LMBRD1: variants seen among roughly 807,000 people sequenced by gnomAD.
LMBRD1 encodes the protein lysosomal cobalamin transport escort protein LMBD1.
LMBRD1 carries 64 observed loss-of-function variants against 74.8 expected under a neutral mutation model. The observed-to-expected ratio is 0.86, with a 90% CI of 0.70 to 1.05. The LOEUF (loss-of-function observed/expected upper bound fraction) is 1.05. LMBRD1 is among the 50% of genes least tolerant of loss of function. The pLI is 0.00. For synonymous variants in LMBRD1, 204 were observed against 216.3 expected (o/e 0.94, Z 0.50); for missense variants, 652 against 645.9 (o/e 1.01, Z -0.10).
intron 3 of LMBRD1, among the ~76,000 whole-genome samples, chr6:69,769,578 T>C (rs1021513884): frequency 2.0e-5 from 3 of 152,128 alleles, no homozygotes; most frequent in African/African-American, 7.2e-5. Context: ...AAACTGGACA[T>C]GTTAGACAAT....
At chr6:69,749,478 T>G in intron 4 of LMBRD1, 70 bp from the exon 5 acceptor site, 1 of 1,156,370 alleles carries the variant, frequency 8.6e-7, no homozygotes, top group Middle Eastern at 1.9e-4. Flanking sequence ...CTTGCAACAC[T>G]TTAACAGTAC....
intron 3 of LMBRD1, among the ~76,000 whole-genome samples, chr6:69,761,309 C>T (rs1415573553): frequency 6.6e-6 from 1 of 151,934 alleles, no homozygotes; most frequent in Non-Finnish European, 1.5e-5. Context: ...CACTGCAATG[C>T]CATTTTTTTA....
chr6:69,789,295 C>G (rs1902655), intron 2 of LMBRD1, among the ~76,000 whole-genome samples: 73,046 of 151,976 alleles, frequency 0.48, 18,240 homozygotes, highest in African/African-American at 0.61. Context: ...AGGCTGGGCA[C>G]GTGGATCACT....
Position 69,752,310 on chromosome 6 carries a change from A to G in LMBRD1, c.354T>C (p.Phe118=). The change falls in exon 4 of 16, where the codon TTT becomes TTC. Residue 118 remains phenylalanine (F), a synonymous_variant. Coordinates refer to ENST00000649934, the MANE Select transcript of LMBRD1 (RefSeq NM_018368.4). Reference sequence around the variant, plus strand: ...CCTTTTCTTCATAATAGAAGTAGACAAAAGGGATCCAGAAGAACACACAGA... The same window carrying G: ...CCTTTTCTTCATAATAGAAGTAGACGAAAGGGATCCAGAAGAACACACAGA... The part of the protein sequence containing the change: ...ILFCVFFWIP[F]VYFYYEEKDD... 1 of 1,610,368 alleles carries G rather than the reference A, an allele frequency of 6.2e-7. No individual in the cohort carries two copies. Among genetic ancestry groups the G allele is most frequent in the Non-Finnish European group, 8.5e-7 (1 of 1,177,040 alleles).
chr6:69,786,953 A>G (rs550126457), intron 2 of LMBRD1, among the ~76,000 whole-genome samples: 6 of 152,312 alleles, frequency 3.9e-5, no homozygotes, highest in African/African-American at 1.4e-4. Context: ...AAAGTTAGAG[A>G]ATGTATATAT....
At chr6:69,676,978 C>A (rs949273825) in intron 14 of LMBRD1, among the ~76,000 whole-genome samples, 3 of 152,076 alleles carry the variant, frequency 2.0e-5, no homozygotes, top group Admixed American at 6.6e-5. Flanking sequence ...AGGTCTAATA[C>A]CTTTCCTCAC....
At chr6:69,764,000 G>A (rs533931044) in intron 3 of LMBRD1, among the ~76,000 whole-genome samples, 1 of 152,264 alleles carries the variant, frequency 6.6e-6, no homozygotes, top group East Asian at 1.9e-4. Flanking sequence ...ACACATATCT[G>A]ATTTAGAAAA....
At chr6:69,705,954 G>A in intron 9 of LMBRD1, 3 of 1,111,996 alleles carry the variant, frequency 2.7e-6, no homozygotes, top group Non-Finnish European at 4.0e-6. Context: ...TAATTGGACT[G>A]CCTTTGTAAT....
rs147447600 is a variant in LMBRD1, at chr6:69,699,182, A to G, written c.1199T>C (p.Ile400Thr). The stretch of plus-strand genomic sequence containing the variant: ...TTGGGGCCTGGTTCTACCTCTTCTG[A>G]TTTTATATAACTGGAAAGAAAAGAG... ...IWFFWIRLYK[I>T]RRGRTRPQAL... Residue 400 changes from isoleucine to threonine, a missense_variant, in exon 13 of 16, where the codon ATC becomes ACC. Around this residue, in one of 3 missense-constraint regions of LMBRD1, gnomAD observed 598 missense variants for 581.8 expected, o/e 1.03. Transcript: ENST00000649934. 9.2e-5 allele frequency: 149 copies of G among 1,611,408 alleles called. No homozygotes were observed. The African/African-American group carries it at 1.9e-3, about 20-fold the overall frequency.
At chr6:69,784,557 A>T (rs1385840033) in intron 2 of LMBRD1, among the ~76,000 whole-genome samples, 1 of 152,182 alleles carries the variant, frequency 6.6e-6, no homozygotes, top group Non-Finnish European at 1.5e-5. Context: ...ACGCCACTAA[A>T]CACCTACAAT....
At chr6:69,769,426 T>C (rs1765533595) in intron 3 of LMBRD1, among the ~76,000 whole-genome samples, 1 of 152,220 alleles carries the variant, frequency 6.6e-6, no homozygotes, top group Non-Finnish European at 1.5e-5. Context: ...CTTACTTTGC[T>C]GCTTTAAACT....
At chr6:69,777,080 G>A (rs1265751462) in intron 3 of LMBRD1, among the ~76,000 whole-genome samples, 1 of 152,050 alleles carries the variant, frequency 6.6e-6, no homozygotes. Flanking sequence ...CCTGGGAGGC[G>A]AAGGTTGCAG....
chr6:69,790,296 C>G lies in LMBRD1; in HGVS notation c.246G>C (p.Lys82Asn). 1 of 1,600,120 alleles carries G rather than the reference C, an allele frequency of 6.2e-7. No homozygotes were observed. Among genetic ancestry groups the G allele is most frequent in the Non-Finnish European group, 8.6e-7 (1 of 1,167,734 alleles). ...SYMKNQNGTF[K>N]DWANANVSRQ... ...ATCTGCAAAGTAAGATTATATTTAC[C>G]TTAAATGTACCATTTTGATTTTTCA... The change falls in exon 2 of 16, where the codon AAG (lysine) becomes AAC (asparagine). Residue 82 changes from lysine (K) to asparagine (N), a missense_variant and splice_region_variant. By Grantham distance (94) the Lys-to-Asn change is moderately conservative (BLOSUM62 0). This residue lies in a region of LMBRD1 where 598 missense variants were observed against 581.8 expected (regional missense o/e 1.03). Transcript: ENST00000649934.
rs375493323 is a variant in LMBRD1, at chr6:69,741,531, G to A, written c.562+258C>T. On this transcript the variant is annotated intron_variant, in intron 6 of 15. Transcript: ENST00000649934. ...CTCCCGAGCAGCTGGGATTACAGGC[G>A]CCTGCCACTGCACCCAGCTAATTTT... Among the ~76,000 whole-genome samples the A allele has an allele frequency of 5.3e-5, 8 of 152,128 alleles. 1 individual carries two copies. Among genetic ancestry groups the A allele is most frequent in the South Asian group, 4.1e-4 (2 of 4,822 alleles).
At chr6:69,687,200 C>T (rs982229614) in intron 14 of LMBRD1, among the ~76,000 whole-genome samples, 3 of 152,196 alleles carry the variant, frequency 2.0e-5, no homozygotes, top group Non-Finnish European at 4.4e-5. Flanking sequence ...CTACAATACT[C>T]CTCTCCAGAT....
intron 3 of LMBRD1, among the ~76,000 whole-genome samples, chr6:69,778,909 AGGGCACGGTGC>A (rs1458126948): frequency 6.6e-6 from 1 of 152,138 alleles, no homozygotes; most frequent in Non-Finnish European, 1.5e-5. Flanking sequence ...TCAATGGGGC[AGGGCACGGTGC>A]CTCACGCCTG....
chr6:69,675,908 A>C lies in LMBRD1; in HGVS notation c.*250T>G. 2.2e-6 allele frequency: 1 copy of C among 458,180 alleles called. No individual in the cohort carries two copies. Among genetic ancestry groups the C allele is most frequent in the South Asian group, 2.4e-5 (1 of 41,424 alleles). 28.4% of individuals were successfully genotyped at this position (458,180 alleles called of 1,614,324 possible). On this transcript the variant is annotated 3_prime_UTR_variant, in exon 16 of 16. Transcript: ENST00000649934. Reference sequence around the variant, plus strand: ...TTAACACTATTATACATTAGAGGAAAAAATTTTGCACAAACATTCCCTCAC... The same window carrying C: ...TTAACACTATTATACATTAGAGGAACAAATTTTGCACAAACATTCCCTCAC...
chr6:69,716,831 T>C (rs1766501726), intron 8 of LMBRD1, among the ~76,000 whole-genome samples: 1 of 151,576 alleles, frequency 6.6e-6, no homozygotes, highest in African/African-American at 2.4e-5. Flanking sequence ...AGCAGGATAA[T>C]TTCCTAGAGG....
Position 69,720,606 on chromosome 6 carries a change from A to G in LMBRD1, c.637-1525T>C, listed in dbSNP as rs370133504. Among the ~76,000 whole-genome samples the G allele has an allele frequency of 2.0e-5, 3 of 152,116 alleles. No individual in the cohort carries two copies. In the East Asian group the frequency reaches 5.8e-4, roughly 29 times the overall value. The stretch of plus-strand genomic sequence containing the variant: ...TTGGTATATTTTTTGGACTTTTGGT[A>G]TATTTGGTATATTGAGCATCCCTAA... On this transcript the variant is annotated intron_variant, in intron 7 of 15. Transcript: ENST00000649934.
Sources: gnomAD v4.1 joint callset for allele counts (sites outside exome capture counted in the v4.1 genomes callset) on GRCh38, gnomAD v4.1.1 for gene constraint, gnomAD v4.1.1 regional missense constraint, MANE v1.5 for transcripts, NCBI Gene and HGNC (gene_info 2026-07-23, HGNC 2026-07-21) for gene names.